Variants in GPC5 observed in about 807,000 individuals in gnomAD.
GPC5 encodes glypican 5.
A neutral mutation model predicts 53.9 loss-of-function variants in GPC5; 47 were observed. That is an observed-to-expected ratio of 0.87 (90% CI 0.69 to 1.11). The LOEUF (loss-of-function observed/expected upper bound fraction) is 1.11. Ranked by LOEUF, GPC5 falls within the 50% of genes most tolerant of loss-of-function variation. The pLI is 0.00. For missense variants in GPC5, 748 were observed against 713.1 expected (o/e 1.05, Z -0.56); for synonymous variants, 286 against 263.3 (o/e 1.09, Z -0.84).
At chr13:92,491,344 C>T (rs994523211) in intron 7 of GPC5, among the ~76,000 whole-genome samples, 19 of 152,016 alleles carry the variant, frequency 1.2e-4, no homozygotes, top group Non-Finnish European at 1.2e-4. Flanking sequence ...ACCAGAATTA[C>T]TTTATATAAT....
chr13:92,662,109 A>G (rs1289723619), intron 7 of GPC5, among the ~76,000 whole-genome samples: 1 of 152,152 alleles, frequency 6.6e-6, no homozygotes, highest in Admixed American at 6.5e-5. Context: ...CATTACATCT[A>G]GAGCTGAACT....
intron 1 of GPC5, among the ~76,000 whole-genome samples, chr13:91,424,972 A>G (rs895363891): frequency 6.6e-6 from 1 of 152,250 alleles, no homozygotes; most frequent in Non-Finnish European, 1.5e-5. Context: ...TTCAATTAAT[A>G]CTAGAATCTG....
At chr13:92,038,419 A>G (rs1360209408) in intron 6 of GPC5, among the ~76,000 whole-genome samples, 1 of 151,144 alleles carries the variant, frequency 6.6e-6, no homozygotes, top group Non-Finnish European at 1.5e-5. Flanking sequence ...TGGGTGGGGC[A>G]TGGGATGTTC....
chr13:92,716,518 T>A (rs1888331356), intron 7 of GPC5, among the ~76,000 whole-genome samples: 6 of 152,012 alleles, frequency 3.9e-5, no homozygotes, highest in Admixed American at 3.9e-4. Flanking sequence ...GCCATTTGTT[T>A]TTCTGTCTCC....
intron 6 of GPC5, among the ~76,000 whole-genome samples, chr13:92,116,087 C>CA (rs1306176139): frequency 1.8e-4 from 28 of 151,618 alleles, no homozygotes; most frequent in Admixed American, 8.5e-4. Context: ...ACTATCTCTA[C>CA]AAAAAAATCA....
chr13:92,377,199 A>G (rs1490985625), intron 7 of GPC5, among the ~76,000 whole-genome samples: 2 of 152,150 alleles, frequency 1.3e-5, no homozygotes, highest in Non-Finnish European at 2.9e-5. Context: ...GCAGTGCTGT[A>G]GTTTTCACTA....
chr13:92,701,244 G>T (rs1887729018), intron 7 of GPC5: 1 of 152,078 alleles, frequency 6.6e-6, no homozygotes, highest in South Asian at 2.1e-4. Context: ...GTCATACAAA[G>T]AAATAACCCT....
intron 7 of GPC5, among the ~76,000 whole-genome samples, chr13:92,615,886 T>C (rs1467211124): frequency 1.3e-5 from 2 of 152,126 alleles, no homozygotes. Context: ...ACCCCGTCTC[T>C]ACTAAAAGTA....
chr13:92,841,115 T>C (rs1452109731), intron 7 of GPC5, among the ~76,000 whole-genome samples: 2 of 152,132 alleles, frequency 1.3e-5, no homozygotes, highest in Non-Finnish European at 2.9e-5. Flanking sequence ...GGCCCAATTC[T>C]CTGCCTCCTC....
At position 91,748,551 on chromosome 13, in the gene GPC5, G is replaced by A. The variant is rs571385539; in HGVS notation, c.1155-7744G>A. 3.3e-3 allele frequency among the ~76,000 whole-genome samples: 498 copies of A among 152,336 alleles called. 3 individuals are homozygous for A. Among genetic ancestry groups the A allele is most frequent in the African/African-American group, 0.011 (472 of 41,580 alleles). ...TTCAAAAAGAATTTGTTAAGTGCCTGTTGGGTACCAAGCTGTGGTCCAAAT... is the reference window on the plus strand; with the variant it reads ...TTCAAAAAGAATTTGTTAAGTGCCTATTGGGTACCAAGCTGTGGTCCAAAT... On this transcript the variant is annotated intron_variant, in intron 4 of 7. Coordinates refer to ENST00000377067, the MANE Select transcript of GPC5 (RefSeq NM_004466.6).
At chr13:92,739,000 G>C (rs1157519778) in intron 7 of GPC5, among the ~76,000 whole-genome samples, 5 of 152,010 alleles carry the variant, frequency 3.3e-5, no homozygotes, top group Non-Finnish European at 5.9e-5. Flanking sequence ...TGTCATAATA[G>C]CTATGAATAT....
intron 3 of GPC5, among the ~76,000 whole-genome samples, chr13:91,712,989 G>A (rs2036260706): frequency 6.6e-6 from 1 of 152,148 alleles, no homozygotes; most frequent in South Asian, 2.1e-4. Flanking sequence ...TCAGGAGTTT[G>A]AGACCAGCCT....
At chr13:92,488,478 A>T (rs1879641763) in intron 7 of GPC5, among the ~76,000 whole-genome samples, 1 of 152,202 alleles carries the variant, frequency 6.6e-6, no homozygotes, top group South Asian at 2.1e-4. Flanking sequence ...TGCCTGCAAA[A>T]ATCCCTCCGT....
chr13:91,587,653 A>G (rs2032648313), intron 2 of GPC5, among the ~76,000 whole-genome samples: 1 of 152,156 alleles, frequency 6.6e-6, no homozygotes, highest in African/African-American at 2.4e-5. Context: ...TGTCTTAATC[A>G]TATTACATTT....
chr13:91,581,867 T>C (rs1184552034), intron 2 of GPC5, among the ~76,000 whole-genome samples: 1 of 152,108 alleles, frequency 6.6e-6, no homozygotes, highest in Non-Finnish European at 1.5e-5. Context: ...TAGACCAACT[T>C]CTTACTAAGA....
At chr13:92,269,694 C>A (rs2042826973) in intron 7 of GPC5, among the ~76,000 whole-genome samples, 1 of 152,192 alleles carries the variant, frequency 6.6e-6, no homozygotes, top group Non-Finnish European at 1.5e-5. Context: ...GCGTGAGCCA[C>A]CACACCTGGC....
At chr13:91,623,738 T>G (rs1341874786) in intron 2 of GPC5, among the ~76,000 whole-genome samples, 1 of 152,082 alleles carries the variant, frequency 6.6e-6, no homozygotes, top group African/African-American at 2.4e-5. Flanking sequence ...GATAACAACA[T>G]AGGACCAATA....
intron 1 of GPC5, among the ~76,000 whole-genome samples, chr13:91,423,040 T>C (rs1878756084): frequency 6.6e-6 from 1 of 152,146 alleles, no homozygotes; most frequent in African/African-American, 2.4e-5. Context: ...TCACACCTTA[T>C]GTTGGATTCA....
chr13:91,643,404 T>C (rs2034481419), intron 2 of GPC5, among the ~76,000 whole-genome samples: 1 of 152,176 alleles, frequency 6.6e-6, no homozygotes, highest in African/African-American at 2.4e-5. Flanking sequence ...CACTGAAATG[T>C]AACTACTACA....
Sources: allele counts gnomAD v4.1 joint callset (sites outside exome capture counted in the v4.1 genomes callset), GRCh38; gene constraint gnomAD v4.1.1; transcripts MANE v1.5; gene names NCBI Gene and HGNC (gene_info 2026-07-23, HGNC 2026-07-21).